SPAG16: variants seen among roughly 807,000 people sequenced by gnomAD.
SPAG16 encodes the protein sperm-associated antigen 16 protein.
A neutral mutation model predicts 80.4 loss-of-function variants in SPAG16; 86 were observed. The observed-to-expected ratio is 1.07, with a 90% CI of 0.90 to 1.28. The LOEUF is 1.28. Among genes scored for constraint, SPAG16 ranks in the 50% most tolerant of loss-of-function variants. The pLI is 0.00. For synonymous variants in SPAG16, 294 were observed against 265.9 expected (o/e 1.11, Z -1.03); for missense variants, 870 against 765.3 (o/e 1.14, Z -1.61).
intron 10 of SPAG16, among the ~76,000 whole-genome samples, chr2:213,493,071 A>C (rs981296230): frequency 1.3e-5 from 2 of 152,214 alleles, no homozygotes; most frequent in African/African-American, 4.8e-5. Flanking sequence ...CAAAATAGTG[A>C]ATAAGCCATG....
rs117628721 is a variant in SPAG16, at chr2:213,414,833, A to G, written c.942+39714A>G. Among the ~76,000 whole-genome samples, 23 of 152,368 alleles carry G rather than the reference A, an allele frequency of 1.5e-4. No individual in the cohort carries two copies. The East Asian group carries it at 4.2e-3, about 28-fold the overall frequency. On this transcript the variant is annotated intron_variant, in intron 9 of 15. Transcript: ENST00000331683. ...GCTCTAATTTGTCCCTTCTTAATGG[A>G]CTATATATGTATATAAGTAACTGAT...
chr2:213,814,889 A>C (rs983951919), intron 10 of SPAG16, among the ~76,000 whole-genome samples: 7 of 151,890 alleles, frequency 4.6e-5, no homozygotes, highest in African/African-American at 1.5e-4. Context: ...ATATATATAT[A>C]TCCATAGCTT....
intron 15 of SPAG16, among the ~76,000 whole-genome samples, chr2:214,379,626 A>G (rs1700337107): frequency 6.6e-6 from 1 of 152,252 alleles, no homozygotes; most frequent in Admixed American, 6.5e-5. Context: ...AATTAGAGAT[A>G]GAGGTGAGGA....
intron 15 of SPAG16, among the ~76,000 whole-genome samples, chr2:214,181,390 G>T (rs1194146014): frequency 1.3e-5 from 2 of 151,752 alleles, no homozygotes; most frequent in African/African-American, 4.8e-5. Flanking sequence ...ATGACAGAAA[G>T]TATGATGGGA....
At chr2:213,412,169 C>T (rs1190765257) in intron 9 of SPAG16, among the ~76,000 whole-genome samples, 3 of 152,114 alleles carry the variant, frequency 2.0e-5, no homozygotes, top group Non-Finnish European at 4.4e-5. Flanking sequence ...CCTGCTCCAC[C>T]CTAACTCATT....
chr2:213,383,530 C>T (rs971008920), intron 9 of SPAG16, among the ~76,000 whole-genome samples: 23 of 152,058 alleles, frequency 1.5e-4, no homozygotes, highest in African/African-American at 5.6e-4. Context: ...ATATACACTC[C>T]AATAGAGTGT....
intron 10 of SPAG16, among the ~76,000 whole-genome samples, chr2:213,775,637 T>C (rs2069528566): frequency 6.6e-6 from 1 of 152,184 alleles, no homozygotes; most frequent in Non-Finnish European, 1.5e-5. Context: ...TGTTTTCCCA[T>C]CCCCTCAGTC....
At chr2:214,039,757 C>G (rs1273830758) in intron 13 of SPAG16, among the ~76,000 whole-genome samples, 1 of 152,156 alleles carries the variant, frequency 6.6e-6, no homozygotes, top group African/African-American at 2.4e-5. Context: ...CCTTATTTTG[C>G]TTTGTTTTTG....
chr2:213,560,173 G>A (rs2059559264), intron 10 of SPAG16, among the ~76,000 whole-genome samples: 5 of 151,968 alleles, frequency 3.3e-5, no homozygotes, highest in Admixed American at 3.3e-4. Context: ...AGCCTCCATA[G>A]AAGAAAAGGA....
chr2:213,375,726 C>T (rs192625819), intron 9 of SPAG16, among the ~76,000 whole-genome samples: 16 of 151,972 alleles, frequency 1.1e-4, no homozygotes, highest in African/African-American at 2.4e-4. Context: ...AATGGATTTT[C>T]TTGTAAGGCA....
chr2:214,113,338 G>A (rs2053770876), intron 14 of SPAG16, among the ~76,000 whole-genome samples: 1 of 152,120 alleles, frequency 6.6e-6, no homozygotes, highest in Non-Finnish European at 1.5e-5. Context: ...GGTGTTCTCT[G>A]TATTTACTGA....
intron 15 of SPAG16, among the ~76,000 whole-genome samples, chr2:214,210,615 A>G (rs963142510): frequency 6.6e-6 from 1 of 152,122 alleles, no homozygotes; most frequent in Non-Finnish European, 1.5e-5. Context: ...ATATTTATGT[A>G]ACTCTGAAAA....
At chr2:214,000,344 C>A (rs1048004408) in intron 12 of SPAG16, among the ~76,000 whole-genome samples, 1 of 152,014 alleles carries the variant, frequency 6.6e-6, no homozygotes, top group African/African-American at 2.4e-5. Flanking sequence ...TTTTCTGTTG[C>A]TGCCTTTCAC....
chr2:214,205,400 T>A (rs2058115941), intron 15 of SPAG16, among the ~76,000 whole-genome samples: 1 of 152,218 alleles, frequency 6.6e-6, no homozygotes, highest in African/African-American at 2.4e-5. Context: ...GCCTTGTTGT[T>A]TTTATTACTG....
At chr2:214,403,637 A>T (rs1209615052) in intron 15 of SPAG16, among the ~76,000 whole-genome samples, 1 of 152,148 alleles carries the variant, frequency 6.6e-6, no homozygotes, top group Non-Finnish European at 1.5e-5. Context: ...GAAGAATAAA[A>T]TGAGATAATG....
chr2:213,940,241 G>A (rs1410318329), intron 12 of SPAG16, among the ~76,000 whole-genome samples: 2 of 152,092 alleles, frequency 1.3e-5, no homozygotes, highest in East Asian at 1.9e-4. Flanking sequence ...AATTTTAGAG[G>A]TGACATATAA....
intron 15 of SPAG16, among the ~76,000 whole-genome samples, chr2:214,369,004 G>A (rs1699653215): frequency 6.6e-6 from 1 of 151,984 alleles, no homozygotes; most frequent in South Asian, 2.1e-4. Flanking sequence ...TTCCACAACA[G>A]AACCCCGTAC....
intron 15 of SPAG16, among the ~76,000 whole-genome samples, chr2:214,241,715 A>G (rs1689505248): frequency 6.6e-6 from 1 of 152,212 alleles, no homozygotes; most frequent in African/African-American, 2.4e-5. Flanking sequence ...GTAATGATGT[A>G]GGAAAAGTTT....
intron 9 of SPAG16, among the ~76,000 whole-genome samples, chr2:213,446,715 G>A (rs778185061): frequency 3.3e-5 from 5 of 152,080 alleles, no homozygotes; most frequent in Admixed American, 6.6e-5. Context: ...ATGCTCCTGC[G>A]GAAATCTATA....
Sources: allele counts gnomAD v4.1 joint callset (sites outside exome capture counted in the v4.1 genomes callset), GRCh38; gene constraint gnomAD v4.1.1; transcripts MANE v1.5; gene names NCBI Gene and HGNC (gene_info 2026-07-23, HGNC 2026-07-21).